The following STRN variants were observed in gnomAD, a reference collection of about 807,000 sequenced individuals.
STRN encodes striatin, also known as protein phosphatase 2 regulatory subunit B'''alpha.
Under a neutral mutation model 96.3 loss-of-function variants are expected in STRN, and 53 were observed. That is an observed-to-expected ratio of 0.55 (90% CI 0.44 to 0.69). The LOEUF is 0.69. STRN is among the 30% of genes least tolerant of loss of function. The pLI is 0.00. For synonymous variants in STRN, 428 were observed against 355.9 expected (o/e 1.20, Z -2.28); for missense variants, 987 against 963.9 (o/e 1.02, Z -0.32).
At position 36,858,010 on chromosome 2, in the gene STRN, T is replaced by C; in HGVS notation, c.1683A>G (p.Leu561=). The stretch of plus-strand genomic sequence containing the variant: ...CCGTGTGGCCTAGCAGAGGGCCTCG[T>C]AAAACAGAAGGATCTATACAAAACA... The part of the protein sequence containing the change: ...DPYDSYDPSV[L]RGPLLGHTDA... The change falls in exon 14 of 18, where the codon TTA becomes TTG. Residue 561 remains leucine, a synonymous_variant. Transcript: ENST00000263918. 6.2e-7 allele frequency: 1 copy of C among 1,602,012 alleles called. No homozygotes were observed. Among genetic ancestry groups the C allele is most frequent in the Non-Finnish European group, 8.5e-7 (1 of 1,172,952 alleles).
chr2:36,849,378 T>C lies in STRN; in HGVS notation c.*78A>G. On this transcript the variant is annotated 3_prime_UTR_variant, in exon 18 of 18. Transcript: ENST00000263918. ...GAACAAAAGGGCAGGACGAGATGATTCTTGCCCTCGTCTTCTGTATCTCTT... is the reference window on the plus strand; with the variant it reads ...GAACAAAAGGGCAGGACGAGATGATCCTTGCCCTCGTCTTCTGTATCTCTT... 6.6e-7 allele frequency: 1 copy of C among 1,515,418 alleles called. No individual in the cohort carries two copies. Among genetic ancestry groups the C allele is most frequent in the South Asian group, 1.2e-5 (1 of 82,808 alleles). The allele number at this position is 1,515,418 out of a possible 1,614,324, so 93.9% of individuals were successfully genotyped here.
rs544238636 is a variant in STRN, at chr2:36,894,103, T to C, written c.796-70A>G. On this transcript the variant is annotated intron_variant, in intron 6 of 17. Transcript: ENST00000263918. ...TTTACCACTGAATAAGAAAATTCAA[T>C]TATTTTCTTCAGAAAGTATACGTTT... The C allele has an allele frequency of 5.3e-6, 8 of 1,522,888 alleles. No homozygotes were observed. In the East Asian group the frequency reaches 1.8e-4, roughly 35 times the overall value. The allele number at this position is 1,522,888 out of a possible 1,614,324, so 94.3% of individuals were successfully genotyped here.
chr2:36,928,974 A>G (rs1670497160), intron 1 of STRN, among the ~76,000 whole-genome samples: 1 of 151,788 alleles, frequency 6.6e-6, no homozygotes, highest in Admixed American at 6.6e-5. Flanking sequence ...AAGTGACATG[A>G]ATAAAATGTT....
chr2:36,900,306 C>T (rs936407468), intron 5 of STRN, among the ~76,000 whole-genome samples: 6 of 152,054 alleles, frequency 3.9e-5, no homozygotes, highest in African/African-American at 7.3e-5. Context: ...TTATCTCTAC[C>T]GCCGTTTTTC....
In STRN at chr2:36,918,981, A is replaced by G. The variant is rs144334210; in HGVS notation, c.339-2830T>C. Among the ~76,000 whole-genome samples the G allele has an allele frequency of 2.7e-3, 419 of 152,382 alleles. 1 individual carries two copies. Among genetic ancestry groups the G allele is most frequent in the African/African-American group, 9.7e-3 (403 of 41,596 alleles). On this transcript the variant is annotated intron_variant, in intron 2 of 17. Coordinates refer to ENST00000263918, the MANE Select transcript of STRN (RefSeq NM_003162.4). ...TAAATGACCTTTATTGGATAAAAGT[A>G]GCATAAAAATTGCTTAATAACTATA...
intron 7 of STRN, among the ~76,000 whole-genome samples, chr2:36,891,456 C>A (rs1195414302): frequency 6.6e-6 from 1 of 151,950 alleles, no homozygotes; most frequent in African/African-American, 2.4e-5. Context: ...ATCCAGAAGG[C>A]GGAGATTTCA....
chr2:36,945,518 T>G (rs1210639675), intron 1 of STRN, among the ~76,000 whole-genome samples: 1 of 152,014 alleles, frequency 6.6e-6, no homozygotes, highest in Admixed American at 6.6e-5. Flanking sequence ...ATACAAAAAA[T>G]TAGCTGGGTG....
intron 3 of STRN, among the ~76,000 whole-genome samples, chr2:36,914,192 C>T (rs1301608628): frequency 1.3e-5 from 2 of 152,098 alleles, no homozygotes; most frequent in Non-Finnish European, 2.9e-5. Context: ...GGTCTTGCTA[C>T]ATTGCCCAGA....
chr2:36,846,050 T>C lies in STRN; in HGVS notation c.*3406A>G, dbSNP rs1293471771. The stretch of plus-strand genomic sequence containing the variant: ...CTGCATTTTTTTTTTTAAAGGCACC[T>C]CTCATTTTCTAGCTATTGCCTTCTT... On this transcript the variant is annotated 3_prime_UTR_variant, in exon 18 of 18. Transcript: ENST00000263918. 1 of 127,382 alleles carries C rather than the reference T, an allele frequency of 7.9e-6. No individual in the cohort carries two copies. The highest frequency in any genetic ancestry group is 1.6e-5 in the Non-Finnish European group (1 of 63,452). The allele number at this position is 127,382 out of a possible 1,614,324, so 7.9% of individuals were successfully genotyped here.
chr2:36,927,720 G>A (rs1670452080), intron 1 of STRN, among the ~76,000 whole-genome samples: 1 of 152,076 alleles, frequency 6.6e-6, no homozygotes, highest in Admixed American at 6.6e-5. Context: ...CCATCAGATG[G>A]ATAAAGTTCA....
intron 9 of STRN, among the ~76,000 whole-genome samples, chr2:36,883,342 A>G (rs1466321881): frequency 2.0e-5 from 3 of 152,164 alleles, no homozygotes; most frequent in African/African-American, 7.2e-5. Context: ...CTGTAATCTC[A>G]GCTACTCAGG....
At chr2:36,904,618 G>C (rs1363976240) in intron 4 of STRN, among the ~76,000 whole-genome samples, 3 of 152,186 alleles carry the variant, frequency 2.0e-5, no homozygotes, top group Admixed American at 2.0e-4. Flanking sequence ...CTCGAAGTCA[G>C]GAGTTCGAGA....
chr2:36,849,204 A>C lies in STRN; in HGVS notation c.*252T>G. On this transcript the variant is annotated 3_prime_UTR_variant, in exon 18 of 18. Transcript: ENST00000263918. ...GCGAATTAGAACCACCTCAGAAATA[A>C]AGGCGCCTATTGGGGAGAAATTTGA... 3 of 433,826 alleles carry C rather than the reference A, an allele frequency of 6.9e-6. No homozygotes were observed. Among genetic ancestry groups the C allele is most frequent in the Non-Finnish European group, 4.1e-6 (1 of 243,246 alleles). The allele number at this position is 433,826 out of a possible 1,614,324, so 26.9% of individuals were successfully genotyped here. A position where few individuals can be genotyped will look rare whatever the true frequency, so the allele number is the denominator to read the frequency against.
At chr2:36,862,746 T>C (rs1226432232) in intron 12 of STRN, among the ~76,000 whole-genome samples, 2 of 152,000 alleles carry the variant, frequency 1.3e-5, no homozygotes, top group African/African-American at 4.8e-5. Flanking sequence ...TATTCTTTTT[T>C]TTTTTTGAGA....
In STRN at chr2:36,893,994, G is replaced by C. The variant is rs758893821; in HGVS notation, c.835C>G (p.Arg279Gly). ...KKALPDSGED[R>G]DTKEALKEFD... is the part of the protein sequence containing the mutation. ...TCCTTTAGAGCTTCTTTTGTATCTC[G>C]ATCTTCACCGCTGTCAGGCAATGCT... The change falls in exon 7 of 18, where the codon CGA becomes GGA. Residue 279 changes from arginine (R) to glycine (G), a missense_variant. Physicochemically the swap from Arg to Gly is moderately radical, Grantham distance 125. Coordinates refer to ENST00000263918, the MANE Select transcript of STRN (RefSeq NM_003162.4). The C allele has an allele frequency of 3.1e-6, 5 of 1,612,948 alleles. No homozygotes were observed. Among genetic ancestry groups the C allele is most frequent in the Non-Finnish European group, 8.5e-7 (1 of 1,179,676 alleles).
chr2:36,916,214 G>C (rs1670094488), intron 2 of STRN, 63 bp from the exon 3 acceptor site: 1 of 1,378,132 alleles, frequency 7.3e-7, no homozygotes, highest in Non-Finnish European at 1.0e-6. Flanking sequence ...ATACACAATA[G>C]TAGTAGTCAC....
chr2:36,935,098 A>G (rs1416454732), intron 1 of STRN, among the ~76,000 whole-genome samples: 1 of 152,186 alleles, frequency 6.6e-6, no homozygotes, highest in African/African-American at 2.4e-5. Context: ...AACGAAACTC[A>G]TAATTTTATA....
chr2:36,933,474 G>A (rs1443788538), intron 1 of STRN, among the ~76,000 whole-genome samples: 1 of 152,134 alleles, frequency 6.6e-6, no homozygotes, highest in Non-Finnish European at 1.5e-5. Flanking sequence ...GCAGATTTAC[G>A]GTATGAGACA....
chr2:36,934,040 C>T (rs1370889830), intron 1 of STRN, among the ~76,000 whole-genome samples: 1 of 152,060 alleles, frequency 6.6e-6, no homozygotes, highest in Non-Finnish European at 1.5e-5. Flanking sequence ...ACCTAGGAGG[C>T]AGAGCTTGCA....
Sources: gnomAD v4.1 joint callset for allele counts (sites outside exome capture counted in the v4.1 genomes callset) on GRCh38, gnomAD v4.1.1 for gene constraint, MANE v1.5 for transcripts, NCBI Gene and HGNC (gene_info 2026-07-23, HGNC 2026-07-21) for gene names.